Variants in STK24 observed in about 807,000 individuals in gnomAD.
STK24 encodes the protein serine/threonine-protein kinase 24.
A neutral mutation model predicts 55.6 loss-of-function variants in STK24; 21 were observed. That is an observed-to-expected ratio of 0.38 (90% CI 0.27 to 0.54). The LOEUF is 0.54. Among genes scored for constraint, STK24 ranks in the 20% least tolerant of loss-of-function variants. The pLI, the probability that STK24 is intolerant of heterozygous loss-of-function variation, is 0.79. For synonymous variants in STK24, 200 were observed against 215.2 expected, an observed-to-expected ratio of 0.93 and a Z score of 0.62; for missense variants, 383 against 538.4, an observed-to-expected ratio of 0.71 and a Z score of 2.86.
intron 1 of STK24, among the ~76,000 whole-genome samples, chr13:98,526,349 G>A (rs1365367841): frequency 6.6e-6 from 1 of 152,050 alleles, no homozygotes. Context: ...ATTTATTGAG[G>A]GTGTACTTGT....
At chr13:98,496,542 G>A (rs1170045723) in intron 2 of STK24, among the ~76,000 whole-genome samples, 1 of 152,146 alleles carries the variant, frequency 6.6e-6, no homozygotes, top group Admixed American at 6.5e-5. Flanking sequence ...CCATGTCCCA[G>A]TAAGGGCTCC....
chr13:98,475,370 A>C lies in STK24; in HGVS notation c.331-12T>G. 1.3e-6 allele frequency: 2 copies of C among 1,563,532 alleles called. No homozygotes were observed. Among genetic ancestry groups the C allele is most frequent in the Non-Finnish European group, 1.7e-6 (2 of 1,150,990 alleles). On this transcript the variant is annotated splice_polypyrimidine_tract_variant and intron_variant, in intron 3 of 10. Transcript: ENST00000539966. ...GGGCCAGGTTCTAACTAAGAAGAGA[A>C]AAAAATTCTTAAAGTTACTTAAATG... is the stretch of plus-strand genomic sequence containing the variant.
intron 2 of STK24, among the ~76,000 whole-genome samples, chr13:98,482,584 C>T (rs1204619827): frequency 2.0e-5 from 3 of 152,196 alleles, no homozygotes; most frequent in Non-Finnish European, 2.9e-5. Context: ...TGCGTTCCAC[C>T]GACTGCCCCA....
chr13:98,445,539 T>G lies in STK24; in HGVS notation c.*7634A>C, dbSNP rs1436439872. ...AGAGGGCATGTGGGAGCCACTCACA[T>G]GCACCCCAGGCCCCACTTCCTGGGT... On this transcript the variant is annotated 3_prime_UTR_variant, in exon 11 of 11. Coordinates refer to ENST00000539966, the MANE Select transcript of STK24 (RefSeq NM_001032296.4). 6.6e-6 allele frequency: 1 copy of G among 152,366 alleles called. No homozygotes were observed. Among genetic ancestry groups the G allele is most frequent in the Non-Finnish European group, 1.5e-5 (1 of 68,148 alleles). The allele number at this position is 152,366 out of a possible 1,614,324, so 9.4% of individuals were successfully genotyped here.
At chr13:98,491,889 A>C (rs1350881743) in intron 2 of STK24, among the ~76,000 whole-genome samples, 1 of 152,232 alleles carries the variant, frequency 6.6e-6, no homozygotes, top group Non-Finnish European at 1.5e-5. Flanking sequence ...GAGCAATAAA[A>C]GGACAGGAAA....
At chr13:98,493,242 G>T (rs563549671) in intron 2 of STK24, among the ~76,000 whole-genome samples, 21 of 152,286 alleles carry the variant, frequency 1.4e-4, no homozygotes, top group African/African-American at 5.1e-4. Context: ...GCGTGTGCTC[G>T]CGTCCAATAT....
intron 1 of STK24, among the ~76,000 whole-genome samples, chr13:98,541,252 G>A (rs1047211125): frequency 6.6e-6 from 1 of 151,912 alleles, no homozygotes; most frequent in Non-Finnish European, 1.5e-5. Context: ...CCCTGTAACC[G>A]GCTGCAGGAA....
At chr13:98,492,192 C>T (rs1895069126) in intron 2 of STK24, among the ~76,000 whole-genome samples, 1 of 151,868 alleles carries the variant, frequency 6.6e-6, no homozygotes, top group Non-Finnish European at 1.5e-5. Context: ...GTAATTTTAG[C>T]AACTCCTTCA....
chr13:98,486,792 C>G (rs1183040793), intron 2 of STK24, among the ~76,000 whole-genome samples: 1 of 152,242 alleles, frequency 6.6e-6, no homozygotes, highest in Admixed American at 6.5e-5. Context: ...TCTTCCTCGT[C>G]TTGGCTTACA....
At chr13:98,455,465 T>C (rs1196474793) in intron 10 of STK24, 1 of 152,178 alleles carries the variant, frequency 6.6e-6, no homozygotes, top group Non-Finnish European at 1.5e-5. Context: ...GGTCTCAAAC[T>C]CTTGGCCTCA....
chr13:98,445,914 A>C lies in STK24; in HGVS notation c.*7259T>G. The stretch of plus-strand genomic sequence containing the variant: ...TGCCCCACAGCAAGTGACAAGGGGA[A>C]GTGATGAGATCAGGGTCCCAGGACC... On this transcript the variant is annotated 3_prime_UTR_variant, in exon 11 of 11. Transcript: ENST00000539966. 1.8e-6 allele frequency: 1 copy of C among 547,636 alleles called. No individual in the cohort carries two copies. Among genetic ancestry groups the C allele is most frequent in the Non-Finnish European group, 3.3e-6 (1 of 305,774 alleles). 33.9% of individuals were successfully genotyped at this position (547,636 alleles called of 1,614,324 possible). A position where few individuals can be genotyped will look rare whatever the true frequency, so the allele number is the denominator to read the frequency against.
intron 1 of STK24, among the ~76,000 whole-genome samples, chr13:98,557,719 G>C (rs1897315243): frequency 6.6e-6 from 1 of 152,194 alleles, no homozygotes; most frequent in African/African-American, 2.4e-5. Flanking sequence ...TGGTCCCATG[G>C]GTGATAATGA....
chr13:98,576,051 G>T (rs1025293105), intron 1 of STK24: 1 of 985,120 alleles, frequency 1.0e-6, no homozygotes, highest in Non-Finnish European at 1.2e-6. Context: ...GTCTCAAAGT[G>T]AAAGTCCAGG....
intron 2 of STK24, among the ~76,000 whole-genome samples, chr13:98,492,335 C>A (rs1013946447): frequency 6.6e-6 from 1 of 152,048 alleles, no homozygotes; most frequent in Non-Finnish European, 1.5e-5. Flanking sequence ...GTGTGAAGAG[C>A]GAAGCCCTTT....
Position 98,556,501 on chromosome 13 carries a change from G to C in STK24, c.42+20244C>G, listed in dbSNP as rs142323829. Among the ~76,000 whole-genome samples, 1,119 of 151,594 alleles carry C rather than the reference G, an allele frequency of 7.4e-3. 4 individuals are homozygous for C. Among genetic ancestry groups the C allele is most frequent in the Middle Eastern group, 0.034 (10 of 290 alleles). On this transcript the variant is annotated intron_variant, in intron 1 of 10. Transcript: ENST00000539966. ...TTTGCTTAAACTAGTTGAGGTTGTT[G>C]TTCTTTTGCCTACAACTGAAAAACA...
intron 2 of STK24, among the ~76,000 whole-genome samples, chr13:98,493,574 T>C (rs1895122404): frequency 6.6e-6 from 1 of 152,186 alleles, no homozygotes; most frequent in African/African-American, 2.4e-5. Context: ...ATAAGTTCCA[T>C]GCCATCATCT....
rs562144194 is a variant in STK24 at position 98,450,167 on chromosome 13, C to G, written c.*3006G>C. On this transcript the variant is annotated 3_prime_UTR_variant, in exon 11 of 11. Transcript: ENST00000539966. ...CAGTCCATCTGAGTGGAGTTTGAGA[C>G]ACACTACACATGAGACACACAATGA... 5.9e-5 allele frequency: 9 copies of G among 152,308 alleles called. No homozygotes were observed. The highest frequency in any genetic ancestry group is 2.0e-4 in the Admixed American group (3 of 15,302). The allele number at this position is 152,308 out of a possible 1,614,324, so 9.4% of individuals were successfully genotyped here. A position where few individuals can be genotyped will look rare whatever the true frequency, so the allele number is the denominator to read the frequency against.
chr13:98,563,817 G>A (rs1403116227), intron 1 of STK24, among the ~76,000 whole-genome samples: 6 of 150,450 alleles, frequency 4.0e-5, no homozygotes, highest in Non-Finnish European at 2.9e-5. Flanking sequence ...CTGAGATCGC[G>A]CCACTGCACT....
intron 6 of STK24, among the ~76,000 whole-genome samples, chr13:98,464,966 G>T (rs1047859136): frequency 6.6e-6 from 1 of 152,170 alleles, no homozygotes; most frequent in African/African-American, 2.4e-5. Flanking sequence ...GTTTAGAAGG[G>T]CTATTTCCCA....
Sources: allele counts gnomAD v4.1 joint callset (sites outside exome capture counted in the v4.1 genomes callset), GRCh38; gene constraint gnomAD v4.1.1; transcripts MANE v1.5; gene names NCBI Gene and HGNC (gene_info 2026-07-23, HGNC 2026-07-21).